Variants in RIT2 observed in about 807,000 individuals in gnomAD.
RIT2 encodes Ras like without CAAX 2.
In RIT2, 24 loss-of-function variants were observed where a neutral mutation model predicts 23.7. The ratio of observed to expected loss-of-function variants is 1.01; its 90% CI spans 0.73 to 1.43. The LOEUF (loss-of-function observed/expected upper bound fraction) is 1.43. Among genes scored for constraint, RIT2 ranks in the 40% most tolerant of loss-of-function variants. The probability of loss-of-function intolerance (pLI) is 0.00; values close to 1 mark genes in which losing one functional copy is unlikely to be tolerated. For missense variants in RIT2, 236 were observed against 266.9 expected, an observed-to-expected ratio of 0.88 and a Z score of 0.81; for synonymous variants, 107 against 91.1, an observed-to-expected ratio of 1.17 and a Z score of -0.99.
chr18:42,821,022 G>A (rs1010027529), intron 4 of RIT2, among the ~76,000 whole-genome samples: 1 of 152,040 alleles, frequency 6.6e-6, no homozygotes, highest in South Asian at 2.1e-4. Flanking sequence ...TGACACTCCT[G>A]CTGCCCCTTC....
chr18:42,936,563 G>A (rs568939), intron 3 of RIT2, among the ~76,000 whole-genome samples: 132,375 of 152,224 alleles, frequency 0.87, 58,031 homozygotes, highest in East Asian at 1. Context: ...CTAACTACTC[G>A]GAAACTTTTC....
At chr18:43,040,408 C>T (rs1568064124) in intron 1 of RIT2, among the ~76,000 whole-genome samples, 2 of 152,150 alleles carry the variant, frequency 1.3e-5, no homozygotes, top group African/African-American at 4.8e-5. Context: ...AATTATTTTT[C>T]ACTTATGTCA....
At chr18:42,797,215 T>G (rs1401268940) in intron 4 of RIT2, among the ~76,000 whole-genome samples, 1 of 152,148 alleles carries the variant, frequency 6.6e-6, no homozygotes, top group African/African-American at 2.4e-5. Flanking sequence ...ATCAGGCATA[T>G]AATCTAAAAA....
In RIT2 at chr18:42,806,932, A is replaced by G. The variant is rs182520288; in HGVS notation, c.427-63212T>C. On this transcript the variant is annotated intron_variant, in intron 4 of 4. Coordinates refer to ENST00000326695, the MANE Select transcript of RIT2 (RefSeq NM_002930.4). ...GGATTTTCTAGGCTAGCGGGTTAAA[A>G]GAATTATTATTCTCTGAAGGAAATA... Among the ~76,000 whole-genome samples the G allele has an allele frequency of 5.9e-5, 9 of 152,364 alleles. No individual in the cohort carries two copies. The East Asian group carries it at 1.3e-3, about 23-fold the overall frequency.
At chr18:42,890,886 A>G (rs531974694) in intron 4 of RIT2, among the ~76,000 whole-genome samples, 29 of 152,272 alleles carry the variant, frequency 1.9e-4, no homozygotes, top group African/African-American at 7.0e-4. Flanking sequence ...TCGGCATATA[A>G]TTCTAGGAGC....
At chr18:42,863,917 G>A (rs1907398778) in intron 4 of RIT2, among the ~76,000 whole-genome samples, 1 of 152,042 alleles carries the variant, frequency 6.6e-6, no homozygotes, top group South Asian at 2.1e-4. Flanking sequence ...GGGTACTGAA[G>A]CCAAACTAAT....
At chr18:42,916,508 T>G (rs771974016) in intron 4 of RIT2, among the ~76,000 whole-genome samples, 3 of 152,128 alleles carry the variant, frequency 2.0e-5, no homozygotes, top group Non-Finnish European at 4.4e-5. Context: ...GCAAAATCCA[T>G]GTGCGGAAGC....
chr18:43,062,400 C>T (rs1912669287), intron 1 of RIT2, among the ~76,000 whole-genome samples: 1 of 152,164 alleles, frequency 6.6e-6, no homozygotes, highest in Non-Finnish European at 1.5e-5. Flanking sequence ...ACATTCTACA[C>T]ATTCCCATAC....
At chr18:43,026,674 C>T (rs1911739803) in intron 2 of RIT2, among the ~76,000 whole-genome samples, 1 of 148,798 alleles carries the variant, frequency 6.7e-6, no homozygotes, top group Non-Finnish European at 1.5e-5. Context: ...AAAAGTTTTT[C>T]TTTCTTTTTT....
At chr18:43,008,460 A>G (rs1292576435) in intron 2 of RIT2, among the ~76,000 whole-genome samples, 1 of 151,488 alleles carries the variant, frequency 6.6e-6, no homozygotes, top group East Asian at 2.0e-4. Context: ...GAGCACAAAG[A>G]GAGCTTTGGG....
At chr18:43,075,118 A>ATTT in intron 1 of RIT2, among the ~76,000 whole-genome samples, 1 of 152,232 alleles carries the variant, frequency 6.6e-6, no homozygotes, top group Non-Finnish European at 1.5e-5. Flanking sequence ...GATGTGTCTT[A>ATTT]AATTATTTAT....
chr18:42,996,336 C>T lies in RIT2; in HGVS notation c.161-22189G>A, dbSNP rs1270988183. Among the ~76,000 whole-genome samples the T allele has an allele frequency of 2.6e-5, 4 of 152,006 alleles. 1 individual carries two copies. The South Asian group carries it at 6.2e-4, about 24-fold the overall frequency. On this transcript the variant is annotated intron_variant, in intron 2 of 4. Transcript: ENST00000326695. ...TCTCCATACCATCCCCCAAAATTTT[C>T]GCCGTCCCAACACTTTACCACTATT... is the stretch of plus-strand genomic sequence containing the variant.
At chr18:42,763,245 G>A (rs992832436) in intron 4 of RIT2, among the ~76,000 whole-genome samples, 1 of 152,128 alleles carries the variant, frequency 6.6e-6, no homozygotes, top group Non-Finnish European at 1.5e-5. Context: ...GGTGGATCAC[G>A]AGGTCAAGAG....
chr18:42,808,309 A>T (rs976129075), intron 4 of RIT2, among the ~76,000 whole-genome samples: 7 of 152,202 alleles, frequency 4.6e-5, no homozygotes, highest in Non-Finnish European at 8.8e-5. Flanking sequence ...AAACACATCA[A>T]GAGGATCTGG....
intron 3 of RIT2, among the ~76,000 whole-genome samples, chr18:42,956,860 C>A (rs914290730): frequency 6.6e-6 from 1 of 151,976 alleles, no homozygotes; most frequent in South Asian, 2.1e-4. Flanking sequence ...CCTGGCGTCC[C>A]GGAAGGCTGC....
chr18:42,751,453 T>C (rs1032815272), intron 4 of RIT2, among the ~76,000 whole-genome samples: 1 of 151,946 alleles, frequency 6.6e-6, no homozygotes, highest in African/African-American at 2.4e-5. Context: ...ATTAGGGACA[T>C]CAAAATTCAG....
chr18:43,033,891 G>A (rs750145350), intron 1 of RIT2, 24 bp from the exon 2 acceptor site: 1 of 1,536,866 alleles, frequency 6.5e-7, no homozygotes, highest in Non-Finnish European at 9.0e-7. Flanking sequence ...AACACATTTT[G>A]TTTAATAAAA....
chr18:43,003,903 A>C (rs1911167096), intron 2 of RIT2, among the ~76,000 whole-genome samples: 1 of 151,554 alleles, frequency 6.6e-6, no homozygotes, highest in South Asian at 2.1e-4. Flanking sequence ...AAAGTAGAAA[A>C]ATCTCAATTT....
chr18:42,906,479 T>A (rs1490451642), intron 4 of RIT2, among the ~76,000 whole-genome samples: 1 of 152,110 alleles, frequency 6.6e-6, no homozygotes, highest in East Asian at 1.9e-4. Context: ...TTTTCCTTGA[T>A]CCCTTCTAAT....
Sources: gnomAD v4.1 joint callset for allele counts (sites outside exome capture counted in the v4.1 genomes callset) on GRCh38, gnomAD v4.1.1 for gene constraint, MANE v1.5 for transcripts, NCBI Gene and HGNC (gene_info 2026-07-23, HGNC 2026-07-21) for gene names.